Variants in PDZRN4 observed in about 807,000 individuals in gnomAD.
The protein encoded by PDZRN4 is PDZ domain containing ring finger 4, also known as PDZ domain-containing RING finger protein 4.
PDZRN4 carries 70 observed loss-of-function variants against 99.0 expected under a neutral mutation model. That is an observed-to-expected ratio of 0.71 (90% CI 0.58 to 0.86). The LOEUF (loss-of-function observed/expected upper bound fraction) is 0.86, where lower values mean the gene tolerates loss of function less well. Among genes scored for constraint, PDZRN4 ranks in the 40% least tolerant of loss-of-function variants. The pLI, the probability that PDZRN4 is intolerant of heterozygous loss-of-function variation, is 0.00. For synonymous variants in PDZRN4, 551 were observed against 501.6 expected, an observed-to-expected ratio of 1.10 and a Z score of -1.32; for missense variants, 1,474 against 1,331.2, an observed-to-expected ratio of 1.11 and a Z score of -1.67.
intron 3 of PDZRN4, among the ~76,000 whole-genome samples, chr12:41,218,101 A>G (rs943621072): frequency 5.3e-5 from 8 of 152,168 alleles, no homozygotes; most frequent in South Asian, 4.1e-4. Context: ...CTCCCTCTGC[A>G]TAATGAACCT....
At chr12:41,427,358 T>C (rs1952545894) in intron 3 of PDZRN4, among the ~76,000 whole-genome samples, 1 of 152,178 alleles carries the variant, frequency 6.6e-6, no homozygotes. Context: ...ATTGAACACG[T>C]ACATGCAGCA....
intron 8 of PDZRN4, among the ~76,000 whole-genome samples, chr12:41,564,879 T>A (rs1336775855): frequency 6.6e-6 from 1 of 152,144 alleles, no homozygotes; most frequent in African/African-American, 2.4e-5. Context: ...AAATGCATAT[T>A]AGTGAAATTT....
chr12:41,444,625 TC>T (rs1373441580), intron 3 of PDZRN4, among the ~76,000 whole-genome samples: 2 of 152,142 alleles, frequency 1.3e-5, no homozygotes, highest in African/African-American at 2.4e-5. Context: ...GACTGAACTT[TC>T]AAAAACTTTA....
intron 3 of PDZRN4, among the ~76,000 whole-genome samples, chr12:41,194,818 A>G (rs1950761145): frequency 2.0e-5 from 3 of 152,206 alleles, no homozygotes; most frequent in Admixed American, 6.5e-5. Flanking sequence ...TAATTATTAT[A>G]ACATTTCAAA....
At chr12:41,310,370 C>G (rs1222403108) in intron 3 of PDZRN4, among the ~76,000 whole-genome samples, 3 of 152,066 alleles carry the variant, frequency 2.0e-5, no homozygotes, top group Non-Finnish European at 4.4e-5. Flanking sequence ...TACATGATAA[C>G]AATCTGTAGA....
chr12:41,364,093 G>A (rs1323528609), intron 3 of PDZRN4, among the ~76,000 whole-genome samples: 4 of 152,064 alleles, frequency 2.6e-5, no homozygotes, highest in Non-Finnish European at 5.9e-5. Flanking sequence ...ATGGAGATTT[G>A]ATTGCCCTCT....
rs1365718017 is a variant in PDZRN4 at position 41,443,017 on chromosome 12, CT to C, written c.844-63435del. ...GAGGATGCACTATAGTAATGGCTTG[CT>C]TTTATCAACTACTCAGCAGATGTCT... On this transcript the variant is annotated intron_variant, in intron 3 of 9. Transcript: ENST00000402685. Among the ~76,000 whole-genome samples, 3 of 152,208 alleles carry C rather than the reference CT, an allele frequency of 2.0e-5. No homozygotes were observed. The East Asian group carries it at 5.8e-4, about 29-fold the overall frequency.
chr12:41,194,910 T>C (rs1216542269), intron 3 of PDZRN4, among the ~76,000 whole-genome samples: 1 of 152,208 alleles, frequency 6.6e-6, no homozygotes, highest in Non-Finnish European at 1.5e-5. Flanking sequence ...ATATTTTATA[T>C]GTAGAGTTTG....
At chr12:41,378,346 C>T (rs1041443240) in intron 3 of PDZRN4, among the ~76,000 whole-genome samples, 5 of 151,848 alleles carry the variant, frequency 3.3e-5, no homozygotes, top group African/African-American at 9.7e-5. Context: ...TCATGGTGTA[C>T]GAAACTTTTA....
chr12:41,346,735 T>C (rs1951857711), intron 3 of PDZRN4, among the ~76,000 whole-genome samples: 1 of 152,122 alleles, frequency 6.6e-6, no homozygotes, highest in Non-Finnish European at 1.5e-5. Context: ...AAATGTTTGG[T>C]TTTTTGGTTT....
At chr12:41,513,567 G>C (rs999661321) in intron 5 of PDZRN4, among the ~76,000 whole-genome samples, 1 of 151,894 alleles carries the variant, frequency 6.6e-6, no homozygotes, top group African/African-American at 2.4e-5. Context: ...TAAGAGTCAG[G>C]GTGTTCCATG....
chr12:41,353,078 G>A (rs1452625441), intron 3 of PDZRN4, among the ~76,000 whole-genome samples: 1 of 152,050 alleles, frequency 6.6e-6, no homozygotes, highest in Non-Finnish European at 1.5e-5. Flanking sequence ...ATCTAGAATG[G>A]AAGAAATGTT....
chr12:41,230,073 C>A (rs894879763), intron 3 of PDZRN4, among the ~76,000 whole-genome samples: 2 of 151,824 alleles, frequency 1.3e-5, no homozygotes, highest in Non-Finnish European at 2.9e-5. Context: ...CTTCTGGAGA[C>A]CAGAAATCAC....
intron 3 of PDZRN4, among the ~76,000 whole-genome samples, chr12:41,397,428 T>C (rs1281283808): frequency 6.6e-6 from 1 of 152,162 alleles, no homozygotes; most frequent in East Asian, 1.9e-4. Context: ...CAATTCCTAC[T>C]ATTATAACAA....
chr12:41,260,317 G>A (rs917258940), intron 3 of PDZRN4, among the ~76,000 whole-genome samples: 4 of 152,144 alleles, frequency 2.6e-5, no homozygotes. Flanking sequence ...CAGCAGAGAT[G>A]TGTGGAGTGG....
chr12:41,467,807 G>C (rs1482475746), intron 3 of PDZRN4, among the ~76,000 whole-genome samples: 3 of 152,150 alleles, frequency 2.0e-5, no homozygotes, highest in African/African-American at 7.2e-5. Flanking sequence ...CCAAGTAAAA[G>C]CTAATATAAA....
At position 41,189,061 on chromosome 12, in the gene PDZRN4, C is replaced by T. The variant is rs1454947352; in HGVS notation, c.606C>T (p.His202=). The change falls in exon 1 of 10, where the codon CAC becomes CAT. Residue 202 remains histidine (H), a synonymous_variant. Transcript: ENST00000402685. ...AGAAGTTCACCCAATACATGGCTCA[C>T]GTCCGCAACTTCGTCGGCGACCTCG... ...YQEKFTQYMA[H]VRNFVGDLGG... 2 of 1,579,654 alleles carry T rather than the reference C, an allele frequency of 1.3e-6. No individual in the cohort carries two copies. Among genetic ancestry groups the T allele is most frequent in the Non-Finnish European group, 1.7e-6 (2 of 1,171,158 alleles).
At chr12:41,346,043 T>C (rs1306224394) in intron 3 of PDZRN4, among the ~76,000 whole-genome samples, 1 of 152,176 alleles carries the variant, frequency 6.6e-6, no homozygotes, top group East Asian at 1.9e-4. Context: ...AATCTTGAAA[T>C]GATCAATTTC....
intron 3 of PDZRN4, among the ~76,000 whole-genome samples, chr12:41,379,784 G>T (rs1952109728): frequency 6.6e-6 from 1 of 151,440 alleles, no homozygotes; most frequent in Non-Finnish European, 1.5e-5. Context: ...TCTTTCCTAT[G>T]GAATATTTTA....
Sources: gnomAD v4.1 joint callset for allele counts (sites outside exome capture counted in the v4.1 genomes callset) on GRCh38, gnomAD v4.1.1 for gene constraint, MANE v1.5 for transcripts, NCBI Gene and HGNC (gene_info 2026-07-23, HGNC 2026-07-21) for gene names.